The following ZDHHC11 variants were observed in gnomAD, a reference collection of about 807,000 sequenced individuals.
ZDHHC11 encodes palmitoyltransferase ZDHHC11.
A neutral mutation model predicts 51.3 loss-of-function variants in ZDHHC11; 44 were observed. The ratio of observed to expected loss-of-function variants is 0.86; its 90% CI spans 0.67 to 1.10. The LOEUF (loss-of-function observed/expected upper bound fraction) is 1.10, where lower values mean the gene tolerates loss of function less well. Among genes scored for constraint, ZDHHC11 ranks in the 50% least tolerant of loss-of-function variants. The probability of loss-of-function intolerance (pLI) is 0.00; values close to 1 mark genes in which losing one functional copy is unlikely to be tolerated. For missense variants in ZDHHC11, 400 were observed against 537.7 expected, an observed-to-expected ratio of 0.74 and a Z score of 2.53; for synonymous variants, 163 against 222.0, an observed-to-expected ratio of 0.73 and a Z score of 2.36.
intron 9 of ZDHHC11, among the ~76,000 whole-genome samples, chr5:819,938 G>C (rs191939419): frequency 0.016 from 2,432 of 151,218 alleles, 116 homozygotes; most frequent in African/African-American, 0.052. Flanking sequence ...GGTCTACACT[G>C]GGCTACAAGG....
intron 3 of ZDHHC11, among the ~76,000 whole-genome samples, chr5:844,933 T>C (rs536459059): frequency 9.2e-5 from 14 of 152,418 alleles, no homozygotes; most frequent in African/African-American, 3.1e-4. Context: ...TTGGTCTTTC[T>C]GCCATGATGA....
chr5:823,931 C>T (rs760960809), intron 8 of ZDHHC11: 4 of 393,580 alleles, frequency 1.0e-5, no homozygotes, highest in Non-Finnish European at 1.6e-5. Context: ...GGGGCTCAAT[C>T]GATTTCCACC....
chr5:838,632 C>T (rs410006), intron 5 of ZDHHC11, among the ~76,000 whole-genome samples: 1 of 152,170 alleles, frequency 6.6e-6, no homozygotes, highest in African/African-American at 2.4e-5. Context: ...GGCGTCCTGC[C>T]TCCCGCCCAC....
At chr5:859,118 A>G (rs768615445), upstream of ZDHHC11, among the ~76,000 whole-genome samples, 2 of 152,138 alleles carry the variant, frequency 1.3e-5, no homozygotes, top group East Asian at 3.9e-4. Flanking sequence ...AGGTGAAATA[A>G]TGCATGCAGT....
Position 801,656 on chromosome 5 carries a change from T to TG in ZDHHC11, c.1182-493dup, listed in dbSNP as rs113772898. On this transcript the variant is annotated intron_variant, in intron 11 of 12. Coordinates refer to ENST00000283441, the MANE Select transcript of ZDHHC11 (RefSeq NM_024786.3). ...ACACTACCCCAGCCAGCTAATGACT[T>TG]GATTGTTTATGTGTGCTGGCCAGCT... Among the ~76,000 whole-genome samples, 96 of 151,368 alleles carry TG rather than the reference T, an allele frequency of 6.3e-4. 3 individuals carry two copies. The highest frequency in any genetic ancestry group is 2.1e-3 in the African/African-American group (86 of 41,272).
intron 10 of ZDHHC11, chr5:816,365 G>A (rs1388645263): frequency 3.2e-5 from 12 of 372,860 alleles, no homozygotes; most frequent in Non-Finnish European, 6.3e-5. Context: ...GCAGCTGCAC[G>A]GGCGGGAGGG....
intron 11 of ZDHHC11, among the ~76,000 whole-genome samples, chr5:806,352 G>A (rs1195775670): frequency 1.3e-5 from 2 of 151,130 alleles, no homozygotes; most frequent in African/African-American, 2.4e-5. Context: ...ATAGAGGGAA[G>A]AATGAAGTTA....
chr5:833,980 C>A (rs1366089987), intron 6 of ZDHHC11, among the ~76,000 whole-genome samples, 173 bp from the exon 7 acceptor site: 1 of 152,254 alleles, frequency 6.6e-6, no homozygotes, highest in Non-Finnish European at 1.5e-5. Flanking sequence ...GTTTTCATTT[C>A]TCTCTGGTGA....
At chr5:797,517 A>G (rs1352257639) in intron 12 of ZDHHC11, among the ~76,000 whole-genome samples, 1 of 151,074 alleles carries the variant, frequency 6.6e-6, no homozygotes, top group Non-Finnish European at 1.5e-5. Flanking sequence ...TAATTTCTTC[A>G]GCTCTAGATT....
At chr5:806,035 G>A (rs1739205174) in intron 11 of ZDHHC11, among the ~76,000 whole-genome samples, 1 of 151,310 alleles carries the variant, frequency 6.6e-6, no homozygotes, top group Non-Finnish European at 1.5e-5. Context: ...GACACCAGAG[G>A]TGTGGCAGGT....
chr5:849,039 C>T (rs572871796), intron 1 of ZDHHC11, among the ~76,000 whole-genome samples: 228 of 151,084 alleles, frequency 1.5e-3, no homozygotes, highest in African/African-American at 4.3e-3. Context: ...CCTATACACC[C>T]GGCCCTTCAC....
chr5:851,928 T>C (rs943217495), upstream of ZDHHC11, among the ~76,000 whole-genome samples: 2 of 152,214 alleles, frequency 1.3e-5, no homozygotes, highest in East Asian at 3.9e-4. Context: ...TGGTGGCACA[T>C]GCCTCTAATC....
At chr5:834,746 C>T (rs11960529) in intron 6 of ZDHHC11, among the ~76,000 whole-genome samples, 1,681 of 152,052 alleles carry the variant, frequency 0.011, 2 homozygotes, top group African/African-American at 0.038. Flanking sequence ...CCATTTTCCC[C>T]GCAGTGTGTG....
chr5:846,939 C>T lies in ZDHHC11; in HGVS notation c.503+575G>A, dbSNP rs1269355181. Among the ~76,000 whole-genome samples the T allele has an allele frequency of 2.7e-5, 4 of 149,394 alleles. 1 individual carries two copies. Among genetic ancestry groups the T allele is most frequent in the Non-Finnish European group, 5.9e-5 (4 of 67,250 alleles). Reference sequence around the variant, plus strand: ...CCGTGCTCAGGGGAAAGACCTCTCGCCTGTGAGCCTCCACCATGCTCAGTG... The same window carrying T: ...CCGTGCTCAGGGGAAAGACCTCTCGTCTGTGAGCCTCCACCATGCTCAGTG... On this transcript the variant is annotated intron_variant, in intron 3 of 12. Coordinates refer to ENST00000283441, the MANE Select transcript of ZDHHC11 (RefSeq NM_024786.3).
At chr5:800,774 A>G (rs1438406835) in intron 12 of ZDHHC11, among the ~76,000 whole-genome samples, 1 of 151,474 alleles carries the variant, frequency 6.6e-6, no homozygotes, top group Non-Finnish European at 1.5e-5. Context: ...CATTATTTAA[A>G]GTTCTTAGAT....
intron 1 of ZDHHC11, among the ~76,000 whole-genome samples, chr5:856,566 C>T (rs1314055177): frequency 1.3e-5 from 2 of 151,036 alleles, no homozygotes; most frequent in Admixed American, 1.3e-4. Context: ...ACCACACATG[C>T]ACCACACACC....
chr5:804,885 C>T (rs1459918884), intron 11 of ZDHHC11, among the ~76,000 whole-genome samples: 2 of 151,192 alleles, frequency 1.3e-5, no homozygotes, highest in East Asian at 3.8e-4. Context: ...AATGAAGACA[C>T]TAGACAGTAA....
intron 4 of ZDHHC11, chr5:840,872 G>T (rs1372660411): frequency 2.1e-5 from 31 of 1,442,966 alleles, no homozygotes; most frequent in Admixed American, 7.9e-5. Flanking sequence ...TCTGGGAGGT[G>T]AGGCTCCAAC....
intron 3 of ZDHHC11, among the ~76,000 whole-genome samples, chr5:846,212 C>T (rs1450574488): frequency 1.3e-5 from 2 of 151,098 alleles, no homozygotes; most frequent in Non-Finnish European, 3.0e-5. Flanking sequence ...CCTCTCTGGA[C>T]ACATGCTGTG....
Sources: gnomAD v4.1 joint callset for allele counts (sites outside exome capture counted in the v4.1 genomes callset) on GRCh38, gnomAD v4.1.1 for gene constraint, MANE v1.5 for transcripts, NCBI Gene and HGNC (gene_info 2026-07-23, HGNC 2026-07-21) for gene names.